Variants in WNK1 observed in about 807,000 individuals in gnomAD.
The protein encoded by WNK1 is WNK lysine deficient protein kinase 1.
WNK1 carries 38 observed loss-of-function variants against 222.8 expected under a neutral mutation model. That is an observed-to-expected ratio of 0.17 (90% confidence interval 0.13 to 0.22). The LOEUF is 0.22. Among genes scored for constraint, WNK1 ranks in the 10% least tolerant of loss-of-function variants. The probability of loss-of-function intolerance (pLI) is 1.00; values close to 1 mark genes in which losing one functional copy is unlikely to be tolerated. For synonymous variants in WNK1, 1,090 were observed against 1,092.9 expected, an observed-to-expected ratio of 1.00 and a Z score of 0.05; for missense variants, 2,348 against 2,918.4, an observed-to-expected ratio of 0.80 and a Z score of 4.50.
chr12:760,636 A>G lies in WNK1; in HGVS notation c.759+6312A>G, dbSNP rs1014486165. ...ATTTTAGGAGCTTTTTGCTTTGTCAACTTAATTTCTCAAATCTTAACAGGG... is the reference window on the plus strand; with the variant it reads ...ATTTTAGGAGCTTTTTGCTTTGTCAGCTTAATTTCTCAAATCTTAACAGGG... On this transcript the variant is annotated intron_variant, in intron 1 of 27. Coordinates refer to ENST00000315939, the MANE Select transcript of WNK1 (RefSeq NM_018979.4). Among the ~76,000 whole-genome samples, 4 of 148,016 alleles carry G rather than the reference A, an allele frequency of 2.7e-5. 1 individual carries two copies. The highest frequency in any genetic ancestry group is 1.3e-4 in the Admixed American group (2 of 14,926).
intron 1 of WNK1, among the ~76,000 whole-genome samples, chr12:777,438 G>C (rs1370121604): frequency 1.3e-5 from 2 of 152,152 alleles, no homozygotes; most frequent in Non-Finnish European, 2.9e-5. Context: ...GATTACAGGT[G>C]TGAGCCACCG....
At chr12:787,618 G>T (rs1006539577) in intron 1 of WNK1, among the ~76,000 whole-genome samples, 3 of 152,066 alleles carry the variant, frequency 2.0e-5, no homozygotes, top group African/African-American at 7.2e-5. Flanking sequence ...TTAGCTTTCT[G>T]TGTGTTTAAA....
At chr12:899,680 C>T (rs1393394049) in intron 25 of WNK1, among the ~76,000 whole-genome samples, 1 of 152,098 alleles carries the variant, frequency 6.6e-6, no homozygotes, top group African/African-American at 2.4e-5. Context: ...TTAGGACAAC[C>T]GACCTATTGA....
chr12:808,785 A>G (rs1398973678), intron 1 of WNK1, among the ~76,000 whole-genome samples: 1 of 140,850 alleles, frequency 7.1e-6, no homozygotes, highest in East Asian at 2.1e-4. Context: ...TTTTTTGAGA[A>G]GGAGTTCCAC....
chr12:883,643 T>TA, intron 16 of WNK1, 75 bp downstream of exon 16: 1 of 1,604,978 alleles, frequency 6.2e-7, no homozygotes, highest in Non-Finnish European at 8.5e-7. Flanking sequence ...CTATGCAAAA[T>TA]GTCCAGTGAT....
chr12:773,474 A>G (rs534145106), intron 1 of WNK1, among the ~76,000 whole-genome samples: 8 of 152,328 alleles, frequency 5.3e-5, no homozygotes, highest in East Asian at 1.9e-4. Context: ...CTTCCCAATC[A>G]GTTTTTTTCC....
At chr12:768,490 A>C (rs540893453) in intron 1 of WNK1, among the ~76,000 whole-genome samples, 4 of 152,254 alleles carry the variant, frequency 2.6e-5, no homozygotes, top group African/African-American at 7.2e-5. Context: ...CATGGACATA[A>C]GTGGGGAGCA....
intron 4 of WNK1, among the ~76,000 whole-genome samples, chr12:853,167 G>A (rs963082885): frequency 6.6e-6 from 1 of 152,104 alleles, no homozygotes; most frequent in Non-Finnish European, 1.5e-5. Context: ...TAAATATGTG[G>A]TATAGCATTG....
At chr12:825,306 T>G (rs569052117) in intron 2 of WNK1, among the ~76,000 whole-genome samples, 1 of 152,320 alleles carries the variant, frequency 6.6e-6, no homozygotes, top group African/African-American at 2.4e-5. Context: ...AAAATTTTAT[T>G]TTAGTTCTGC....
chr12:869,373 G>A (rs188863684), intron 8 of WNK1, among the ~76,000 whole-genome samples: 1 of 152,164 alleles, frequency 6.6e-6, no homozygotes, highest in Non-Finnish European at 1.5e-5. Context: ...TCACAATCAC[G>A]ACTTCTATGC....
intron 1 of WNK1, among the ~76,000 whole-genome samples, chr12:785,988 C>G (rs1591691926): frequency 6.6e-6 from 1 of 152,036 alleles, no homozygotes; most frequent in South Asian, 2.1e-4. Flanking sequence ...CTACTCAGAT[C>G]CCTAGTTTTA....
chr12:764,708 T>TA lies in WNK1; in HGVS notation c.759+10393dup, dbSNP rs199688405. Among the ~76,000 whole-genome samples the TA allele has an allele frequency of 5.6e-3, 762 of 135,052 alleles. 29 individuals carry two copies. The highest frequency in any genetic ancestry group is 0.019 in the African/African-American group (729 of 38,052). The allele number at this position is 135,052 out of a possible 152,430, so 88.6% of individuals were successfully genotyped here. ...AGAAACAGCCCTGACAAAAAGAAAT[T>TA]AAAAAAAAAGTCAGTAACAATTAAA... On this transcript the variant is annotated intron_variant, in intron 1 of 27. Transcript: ENST00000315939.
In WNK1 at chr12:879,667, A is replaced by G. The variant is rs56015776; in HGVS notation, c.2468A>G (p.His823Arg). ...PSVVPVHSGA[H>R]FLPVGQPLPT... ...GTTGTTCCAGTCCACTCTGGTGCTC[A>G]TTTCCTTCCAGTGGGACAGCCGCTC... The change falls in exon 11 of 28, where the codon CAT becomes CGT. Residue 823 changes from histidine (H) to arginine (R), a missense_variant. By Grantham distance (29) the His-to-Arg change is conservative. This residue lies in a region of WNK1 where 547 missense variants were observed against 558.3 expected (regional missense o/e 0.98). Transcript: ENST00000315939. 1,016 of 1,613,338 alleles carry G rather than the reference A, an allele frequency of 6.3e-4. 1 individual carries two copies. The highest frequency in any genetic ancestry group is 7.9e-4 in the Non-Finnish European group (937 of 1,179,838).
chr12:902,686 T>A (rs1955368337), intron 26 of WNK1, among the ~76,000 whole-genome samples: 2 of 152,140 alleles, frequency 1.3e-5, no homozygotes, highest in Non-Finnish European at 2.9e-5. Flanking sequence ...CTTCCCCATA[T>A]GTGAAATGGA....
At position 910,460 on chromosome 12, in the gene WNK1, T is replaced by TAAC. The variant is rs1230053163; in HGVS notation, c.*1669_*1671dup. 1.3e-5 allele frequency: 2 copies of TAAC among 152,150 alleles called. No individual in the cohort carries two copies. The highest frequency in any genetic ancestry group is 2.9e-5 in the Non-Finnish European group (2 of 68,028). 9.4% of individuals were successfully genotyped at this position (152,150 alleles called of 1,614,324 possible). The stretch of plus-strand genomic sequence containing the variant: ...AATAAATAATACTCCCCGTAAGTAA[T>TAAC]AACTGCAACCAATCAGTGTTATTCA... On this transcript the variant is annotated 3_prime_UTR_variant, in exon 28 of 28. Transcript: ENST00000315939.
chr12:754,912 C>G (rs1173861227), intron 1 of WNK1, among the ~76,000 whole-genome samples: 1 of 152,184 alleles, frequency 6.6e-6, no homozygotes, highest in Non-Finnish European at 1.5e-5. Flanking sequence ...ATTGCTCTGA[C>G]GTTCATTAAA....
intron 1 of WNK1, among the ~76,000 whole-genome samples, chr12:759,533 G>C (rs936879454): frequency 6.8e-6 from 1 of 147,396 alleles, no homozygotes; most frequent in Admixed American, 6.7e-5. Flanking sequence ...GTTTCACCAT[G>C]TTGGCCAGGC....
At chr12:878,159 A>C in intron 9 of WNK1, 53 bp from the exon 10 acceptor site, 1 of 1,610,814 alleles carries the variant, frequency 6.2e-7, no homozygotes, top group South Asian at 1.1e-5. Flanking sequence ...CTTCCTTAGA[A>C]ACATGCTGTT....
chr12:819,738 C>A (rs560073439), intron 2 of WNK1, among the ~76,000 whole-genome samples: 1 of 152,072 alleles, frequency 6.6e-6, no homozygotes, highest in Admixed American at 6.6e-5. Context: ...TTTAAGTTAA[C>A]TTTTGTGTAT....
Sources: allele counts gnomAD v4.1 joint callset (sites outside exome capture counted in the v4.1 genomes callset), GRCh38; gene constraint gnomAD v4.1.1; regional missense constraint gnomAD v4.1.1; transcripts MANE v1.5; gene names NCBI Gene and HGNC (gene_info 2026-07-23, HGNC 2026-07-21).